LPGAT1: variants seen among roughly 807,000 people sequenced by gnomAD.
LPGAT1 encodes the protein lysophosphatidylglycerol acyltransferase 1, also known as acyl-CoA:lysophosphatidylglycerol acyltransferase 1.
LPGAT1 carries 11 observed loss-of-function variants against 47.5 expected under a neutral mutation model. The ratio of observed to expected loss-of-function variants is 0.23; its 90% CI spans 0.15 to 0.38. LPGAT1 has a LOEUF of 0.38. LPGAT1 is among the 10% of genes least tolerant of loss of function. The pLI is 1.00. For missense variants in LPGAT1, 293 were observed against 439.0 expected, an observed-to-expected ratio of 0.67 and a Z score of 2.97; for synonymous variants, 138 against 144.2, an observed-to-expected ratio of 0.96 and a Z score of 0.31.
intron 2 of LPGAT1, among the ~76,000 whole-genome samples, chr1:211,804,215 T>A (rs1659675580): frequency 6.6e-6 from 1 of 151,534 alleles, no homozygotes; most frequent in African/African-American, 2.4e-5. Context: ...GCCCTACTAA[T>A]TTTTTTTTAC....
At chr1:211,784,501 AAAAAAAG>A in intron 4 of LPGAT1, among the ~76,000 whole-genome samples, 1 of 151,700 alleles carries the variant, frequency 6.6e-6, no homozygotes. Flanking sequence ...AAAAAAAAAA[AAAAAAAG>A]AAAAAAGAAA....
At chr1:211,810,183 A>G (rs1313157786) in intron 2 of LPGAT1, among the ~76,000 whole-genome samples, 1 of 152,154 alleles carries the variant, frequency 6.6e-6, no homozygotes, top group Non-Finnish European at 1.5e-5. Flanking sequence ...CCTGTTCACT[A>G]TCCCCCAAAG....
intron 2 of LPGAT1, among the ~76,000 whole-genome samples, chr1:211,822,604 C>T (rs1188151594): frequency 6.6e-6 from 1 of 151,910 alleles, no homozygotes; most frequent in African/African-American, 2.4e-5. Flanking sequence ...TGGTGAAACC[C>T]CATCTCTACT....
At chr1:211,792,203 G>C (rs1268251589) in intron 3 of LPGAT1, 1 of 151,472 alleles carries the variant, frequency 6.6e-6, no homozygotes, top group East Asian at 1.9e-4. Flanking sequence ...GTTTTGGCCT[G>C]CTCCATTTCC....
chr1:211,769,709 C>T (rs1658084585), intron 6 of LPGAT1, among the ~76,000 whole-genome samples: 1 of 152,138 alleles, frequency 6.6e-6, no homozygotes, highest in Non-Finnish European at 1.5e-5. Context: ...CCTGACATTT[C>T]CATGGCATTT....
At chr1:211,801,391 AT>A (rs1409266995) in intron 2 of LPGAT1, among the ~76,000 whole-genome samples, 1 of 152,012 alleles carries the variant, frequency 6.6e-6, no homozygotes, top group East Asian at 1.9e-4. Context: ...TCATCCAGTC[AT>A]TTCTCTTCAA....
At chr1:211,785,455 CT>C (rs1210982012) in intron 4 of LPGAT1, among the ~76,000 whole-genome samples, 1 of 152,072 alleles carries the variant, frequency 6.6e-6, no homozygotes, top group African/African-American at 2.4e-5. Context: ...AAACACGTTG[CT>C]CTTTAGAAAT....
At chr1:211,789,185 T>C (rs1659008920) in intron 3 of LPGAT1, among the ~76,000 whole-genome samples, 1 of 152,222 alleles carries the variant, frequency 6.6e-6, no homozygotes, top group Non-Finnish European at 1.5e-5. Context: ...AGCTGAGATT[T>C]GGACTAAATG....
At chr1:211,776,084 G>A (rs1658388310) in intron 6 of LPGAT1, among the ~76,000 whole-genome samples, 2 of 151,256 alleles carry the variant, frequency 1.3e-5, no homozygotes, top group Non-Finnish European at 2.9e-5. Context: ...AGAACTCTAG[G>A]CTTCTCATGC....
At chr1:211,773,632 A>G (rs1658270163) in intron 6 of LPGAT1, among the ~76,000 whole-genome samples, 3 of 152,232 alleles carry the variant, frequency 2.0e-5, no homozygotes, top group African/African-American at 7.2e-5. Context: ...AGTGAAATGG[A>G]CATTTATATC....
chr1:211,793,371 C>T (rs1361789085), intron 2 of LPGAT1, 181 bp from the exon 3 acceptor site: 3 of 289,814 alleles, frequency 1.0e-5, no homozygotes, highest in Middle Eastern at 9.7e-4. Context: ...TTTATAGAGC[C>T]CCCAAATATA....
chr1:211,814,092 G>T (rs966967842), intron 2 of LPGAT1, among the ~76,000 whole-genome samples: 1 of 152,100 alleles, frequency 6.6e-6, no homozygotes, highest in Non-Finnish European at 1.5e-5. Context: ...AGCTTTTAAA[G>T]GATTTCTTAT....
At chr1:211,782,107 A>G (rs1411649453) in intron 5 of LPGAT1, among the ~76,000 whole-genome samples, 1 of 152,186 alleles carries the variant, frequency 6.6e-6, no homozygotes, top group Non-Finnish European at 1.5e-5. Context: ...AATCGTTTTC[A>G]TAAGAGTTGT....
At chr1:211,769,498 G>A (rs906161192) in intron 6 of LPGAT1, among the ~76,000 whole-genome samples, 6 of 152,100 alleles carry the variant, frequency 3.9e-5, no homozygotes, top group African/African-American at 1.4e-4. Flanking sequence ...TTTGGATCTC[G>A]GGCAAGAATT....
At chr1:211,776,004 A>G (rs954579966) in intron 6 of LPGAT1, among the ~76,000 whole-genome samples, 1 of 151,184 alleles carries the variant, frequency 6.6e-6, no homozygotes, top group African/African-American at 2.4e-5. Flanking sequence ...ATCCATAATA[A>G]CTGCCTTTTA....
chr1:211,750,821 C>T (rs1657146051), intron 7 of LPGAT1, 140 bp downstream of exon 7: 2 of 620,538 alleles, frequency 3.2e-6, no homozygotes, highest in Admixed American at 5.8e-5. Flanking sequence ...TAAGCTGATT[C>T]ATGAGGGGAT....
chr1:211,752,430 A>T lies in LPGAT1; in HGVS notation c.855-1363T>A, dbSNP rs537026779. On this transcript the variant is annotated intron_variant, in intron 6 of 7. Coordinates refer to ENST00000366997, the MANE Select transcript of LPGAT1 (RefSeq NM_014873.3). Reference sequence around the variant, plus strand: ...TCTGAGTCACGAAGCATGTAGTTGCAACTTCTGCTTCTTATAGATTAATTC... The same window carrying T: ...TCTGAGTCACGAAGCATGTAGTTGCTACTTCTGCTTCTTATAGATTAATTC... 2.6e-5 allele frequency among the ~76,000 whole-genome samples: 4 copies of T among 151,654 alleles called. No homozygotes were observed. The South Asian group carries it at 8.4e-4, about 32-fold the overall frequency.
At chr1:211,771,399 CTTAT>C (rs1658163431) in intron 6 of LPGAT1, among the ~76,000 whole-genome samples, 1 of 152,122 alleles carries the variant, frequency 6.6e-6, no homozygotes, top group Admixed American at 6.5e-5. Flanking sequence ...ATACTCAATA[CTTAT>C]TTTTGTTATG....
At chr1:211,763,959 G>A (rs566996372) in intron 6 of LPGAT1, among the ~76,000 whole-genome samples, 31 of 152,250 alleles carry the variant, frequency 2.0e-4, no homozygotes, top group Admixed American at 3.9e-4. Context: ...ATCACCTGAG[G>A]TCAGGAGTTT....
Sources: gnomAD v4.1 joint callset for allele counts (sites outside exome capture counted in the v4.1 genomes callset) on GRCh38, gnomAD v4.1.1 for gene constraint, MANE v1.5 for transcripts, NCBI Gene and HGNC (gene_info 2026-07-23, HGNC 2026-07-21) for gene names.